The following FGF14 variants were observed in gnomAD, a reference collection of about 807,000 sequenced individuals.
FGF14 encodes fibroblast growth factor 14, also known as fibroblast growth factor homologous factor 4.
In FGF14, 5 loss-of-function variants were observed where a neutral mutation model predicts 25.5. The observed-to-expected ratio is 0.20, with a 90% CI of 0.10 to 0.41. The LOEUF (loss-of-function observed/expected upper bound fraction) is 0.41. FGF14 is among the 10% of genes least tolerant of loss of function. The pLI is 1.00. For missense variants in FGF14, 222 were observed against 320.1 expected, an observed-to-expected ratio of 0.69 and a Z score of 2.34; for synonymous variants, 138 against 118.3, an observed-to-expected ratio of 1.17 and a Z score of -1.08.
chr13:102,095,905 TCTA>T (rs780976509), intron 1 of FGF14, among the ~76,000 whole-genome samples: 96 of 152,050 alleles, frequency 6.3e-4, no homozygotes, highest in Non-Finnish European at 1.3e-3. Flanking sequence ...ATATGAATTT[TCTA>T]CTGTGAGTGG....
In FGF14 at chr13:101,883,957, G is replaced by C. The variant is rs1473987220; in HGVS notation, c.194-8661C>G. ...ATGTGCCTGTAATCCCAGCTACTCT[G>C]GAGGCTGAAGCAGGAGAATCAATTG... On this transcript the variant is annotated intron_variant, in intron 1 of 4. Transcript: ENST00000376143. Among the ~76,000 whole-genome samples, 3 of 150,362 alleles carry C rather than the reference G, an allele frequency of 2.0e-5. No individual in the cohort carries two copies. The Admixed American group carries it at 2.0e-4, about 10-fold the overall frequency.
intron 1 of FGF14, among the ~76,000 whole-genome samples, chr13:102,333,864 T>TCG (rs2056709688): frequency 9.9e-5 from 15 of 152,216 alleles, no homozygotes; most frequent in Admixed American, 7.9e-4. Context: ...CCACAGGATG[T>TCG]TTCTTATTTT....
chr13:101,827,366 A>T (rs1443686186), intron 3 of FGF14, among the ~76,000 whole-genome samples: 1 of 152,018 alleles, frequency 6.6e-6, no homozygotes, highest in Non-Finnish European at 1.5e-5. Flanking sequence ...GTGTAAGGAT[A>T]ATAAAATGTT....
intron 1 of FGF14, among the ~76,000 whole-genome samples, chr13:102,297,360 T>G (rs1199959654): frequency 1.3e-5 from 2 of 152,060 alleles, no homozygotes; most frequent in Non-Finnish European, 2.9e-5. Flanking sequence ...GTATCTTATA[T>G]GGAAAACTGG....
At chr13:102,214,443 A>C (rs540928838) in intron 1 of FGF14, among the ~76,000 whole-genome samples, 1 of 152,342 alleles carries the variant, frequency 6.6e-6, no homozygotes, top group African/African-American at 2.4e-5. Flanking sequence ...CTCAGGATAC[A>C]TCATTGGGTG....
chr13:101,982,102 A>T (rs2038302271), intron 1 of FGF14, among the ~76,000 whole-genome samples: 2 of 152,236 alleles, frequency 1.3e-5, no homozygotes, highest in Non-Finnish European at 2.9e-5. Context: ...TGACAATCAA[A>T]GAGAACGATT....
intron 1 of FGF14, among the ~76,000 whole-genome samples, chr13:102,318,222 A>G (rs1007902566): frequency 1.1e-4 from 16 of 152,170 alleles, no homozygotes; most frequent in Non-Finnish European, 7.4e-5. Flanking sequence ...CCCTGGAAGG[A>G]GCCAGAATTC....
intron 1 of FGF14, among the ~76,000 whole-genome samples, chr13:102,013,964 A>G (rs16959597): frequency 0.13 from 19,339 of 152,170 alleles, 3,170 homozygotes; most frequent in African/African-American, 0.38. Context: ...ATGTTCAATG[A>G]GTGATTTCTA....
chr13:101,757,312 T>G (rs1434506647), intron 3 of FGF14, among the ~76,000 whole-genome samples: 1 of 152,176 alleles, frequency 6.6e-6, no homozygotes, highest in Non-Finnish European at 1.5e-5. Flanking sequence ...TATTTTCTCA[T>G]ATGTTTAGTT....
At chr13:101,917,527 G>C (rs967479081), upstream of FGF14, among the ~76,000 whole-genome samples, 1 of 151,974 alleles carries the variant, frequency 6.6e-6, no homozygotes, top group Admixed American at 6.5e-5. Flanking sequence ...GGGGCTTCTC[G>C]GTCTTAACGT....
chr13:101,782,241 G>A (rs1475987528), intron 3 of FGF14, among the ~76,000 whole-genome samples: 1 of 152,122 alleles, frequency 6.6e-6, no homozygotes, highest in Non-Finnish European at 1.5e-5. Context: ...CCAAATAATT[G>A]TTATATCCTA....
intron 1 of FGF14, among the ~76,000 whole-genome samples, chr13:102,360,165 C>G (rs2057527280): frequency 6.6e-6 from 1 of 152,158 alleles, no homozygotes; most frequent in African/African-American, 2.4e-5. Context: ...ACTATCTTGG[C>G]ATACACACAA....
intron 3 of FGF14, among the ~76,000 whole-genome samples, chr13:101,840,351 CTTATT>C (rs1460555007): frequency 6.6e-6 from 1 of 151,746 alleles, no homozygotes; most frequent in East Asian, 1.9e-4. Flanking sequence ...TTTCTCATAG[CTTATT>C]TTATTATTTG....
rs1015772532 is a variant in FGF14, at chr13:102,298,050, CA to C, written c.208+103420del. 2.1e-3 allele frequency among the ~76,000 whole-genome samples: 315 copies of C among 151,690 alleles called. 1 individual carries two copies. Among genetic ancestry groups the C allele is most frequent in the African/African-American group, 7.2e-3 (299 of 41,390 alleles). On this transcript the variant is annotated intron_variant, in intron 1 of 4. Transcript: ENST00000376131. ...ATTTTTGAAATCACAAGTATAATTGCAAAAGACAGAGTTATTTCTATGAAAA... is the reference window on the plus strand; with the variant it reads ...ATTTTTGAAATCACAAGTATAATTGCAAAGACAGAGTTATTTCTATGAAAA...
intron 3 of FGF14, among the ~76,000 whole-genome samples, chr13:101,787,451 C>T (rs924143877): frequency 2.0e-5 from 3 of 152,010 alleles, no homozygotes; most frequent in African/African-American, 7.2e-5. Context: ...TAGAGTGTTC[C>T]TTATACTGTA....
chr13:101,828,091 A>G (rs1019283611), intron 3 of FGF14, among the ~76,000 whole-genome samples: 2 of 152,052 alleles, frequency 1.3e-5, no homozygotes, highest in Admixed American at 1.3e-4. Context: ...AAACACACAT[A>G]TATATCTTAA....
intron 1 of FGF14, among the ~76,000 whole-genome samples, chr13:102,146,665 T>C (rs994334532): frequency 6.6e-6 from 1 of 152,128 alleles, no homozygotes; most frequent in Non-Finnish European, 1.5e-5. Flanking sequence ...TCTCTTAACA[T>C]CTAGGCCACC....
intron 3 of FGF14, among the ~76,000 whole-genome samples, chr13:101,737,954 C>A (rs976366301): frequency 6.6e-6 from 1 of 152,004 alleles, no homozygotes; most frequent in Non-Finnish European, 1.5e-5. Flanking sequence ...GTTTAGCCAA[C>A]CTTTAAAATG....
At chr13:101,865,986 AT>A (rs1315108937) in intron 3 of FGF14, among the ~76,000 whole-genome samples, 3 of 152,010 alleles carry the variant, frequency 2.0e-5, no homozygotes, top group African/African-American at 7.2e-5. Flanking sequence ...TTTTTCAAAA[AT>A]TTACTCATCT....
Sources: allele counts gnomAD v4.1 joint callset (sites outside exome capture counted in the v4.1 genomes callset), GRCh38; gene constraint gnomAD v4.1.1; transcripts MANE v1.5; gene names NCBI Gene and HGNC (gene_info 2026-07-23, HGNC 2026-07-21).